PHACTR3: variants seen among roughly 807,000 people sequenced by gnomAD.
PHACTR3 encodes the protein phosphatase and actin regulator 3.
Under a neutral mutation model 66.8 loss-of-function variants are expected in PHACTR3, and 16 were observed. The observed-to-expected ratio is 0.24, with a 90% CI of 0.16 to 0.36. The LOEUF (loss-of-function observed/expected upper bound fraction) is 0.36, where lower values mean the gene tolerates loss of function less well. Ranked by LOEUF, PHACTR3 falls within the 10% of genes least tolerant of loss-of-function variation. PHACTR3 has a pLI of 1.00. For synonymous variants in PHACTR3, 323 were observed against 292.1 expected, an observed-to-expected ratio of 1.11 and a Z score of -1.08; for missense variants, 647 against 719.9, an observed-to-expected ratio of 0.90 and a Z score of 1.16.
intron 7 of PHACTR3, among the ~76,000 whole-genome samples, chr20:59,787,952 C>G (rs1568823023): frequency 6.6e-6 from 1 of 152,176 alleles, no homozygotes; most frequent in South Asian, 2.1e-4. Flanking sequence ...CCCACAGATG[C>G]ATTTTTCCGT....
At chr20:59,698,374 A>G (rs11697108) in intron 1 of PHACTR3, among the ~76,000 whole-genome samples, 5,135 of 152,276 alleles carry the variant, frequency 0.034, 120 homozygotes, top group Middle Eastern at 0.075. Flanking sequence ...TAGGTATCAG[A>G]CTAAAAAGAC....
intron 7 of PHACTR3, among the ~76,000 whole-genome samples, chr20:59,786,813 T>C (rs1221373085): frequency 6.6e-6 from 1 of 150,768 alleles, no homozygotes; most frequent in Non-Finnish European, 1.5e-5. Context: ...AGAAGTCTTT[T>C]TCTGTGCAGT....
intron 1 of PHACTR3, chr20:59,628,567 C>T (rs894205527): frequency 1.8e-5 from 17 of 947,174 alleles, no homozygotes; most frequent in East Asian, 1.2e-4. Context: ...GGGAGAGAGG[C>T]GAGCCCTGTT....
Position 59,841,341 on chromosome 20 carries a change from T to G in PHACTR3, c.1447-54T>G, listed in dbSNP as rs2059057476. 3.9e-6 allele frequency: 6 copies of G among 1,556,856 alleles called. No homozygotes were observed. The Admixed American group carries it at 5.6e-5, about 15-fold the overall frequency. ...AGAAGTGCTGTTTGTTCAGAGTACT[T>G]CAAAAAAGCTAGTTTGGCATGTGAT... On this transcript the variant is annotated intron_variant, in intron 10 of 12. Coordinates refer to ENST00000371015, the MANE Select transcript of PHACTR3 (RefSeq NM_080672.5).
chr20:59,660,716 A>G lies in PHACTR3; in HGVS notation c.118+55584A>G, dbSNP rs779824248. 6.6e-5 allele frequency among the ~76,000 whole-genome samples: 10 copies of G among 152,254 alleles called. 1 individual carries two copies. The highest frequency in any genetic ancestry group is 9.6e-5 in the African/African-American group (4 of 41,470). On this transcript the variant is annotated intron_variant, in intron 1 of 12. Transcript: ENST00000371015. ...ACTTCATCTCCATAATCTGGATTTC[A>G]TACAAAAGTTAGTCATATATAAACA...
At chr20:59,786,932 A>AT (rs11419617) in intron 7 of PHACTR3, among the ~76,000 whole-genome samples, 118,108 of 151,322 alleles carry the variant, frequency 0.78, 48,887 homozygotes, top group Non-Finnish European at 0.92. Context: ...ACTAATCACT[A>AT]TTTTTTTTTC....
At chr20:59,650,865 T>G (rs1205816281) in intron 1 of PHACTR3, among the ~76,000 whole-genome samples, 1 of 151,644 alleles carries the variant, frequency 6.6e-6, no homozygotes, top group Non-Finnish European at 1.5e-5. Flanking sequence ...ACCTCTGCAG[T>G]GTGGCAGGGT....
upstream of PHACTR3, among the ~76,000 whole-genome samples, chr20:59,600,743 C>T (rs906181084): frequency 8.5e-5 from 13 of 152,288 alleles, no homozygotes; most frequent in Admixed American, 7.2e-4. Flanking sequence ...GTTGGGTTAT[C>T]GGGGCTGCCC....
chr20:59,653,471 A>C (rs1289721917), intron 1 of PHACTR3, among the ~76,000 whole-genome samples: 2 of 152,196 alleles, frequency 1.3e-5, no homozygotes, highest in African/African-American at 4.8e-5. Flanking sequence ...GGCGTGAGCC[A>C]CTGCACTCGG....
At chr20:59,836,453 A>C in intron 8 of PHACTR3, 52 bp from the exon 9 acceptor site, 1 of 1,574,202 alleles carries the variant, frequency 6.4e-7, no homozygotes, top group Admixed American at 1.8e-5. Context: ...CCCAGGTGGA[A>C]TTTGCAGGCA....
At chr20:59,592,982 C>T (rs907040874) in intron 1 of PHACTR3, among the ~76,000 whole-genome samples, 1 of 152,166 alleles carries the variant, frequency 6.6e-6, no homozygotes, top group African/African-American at 2.4e-5. Context: ...TTTGTGTAGA[C>T]ATGAGTTTTC....
rs182265066 is a variant in PHACTR3, at chr20:59,620,475, A to T, written c.118+15343A>T. Among the ~76,000 whole-genome samples the T allele has an allele frequency of 2.3e-3, 346 of 152,292 alleles. 3 individuals carry two copies. The highest frequency in any genetic ancestry group is 7.9e-3 in the African/African-American group (328 of 41,566). ...GTCCGCCAATGTGGAACAGTTCCTT[A>T]GTGTCTTCATAGCCTGATGCCTTTG... On this transcript the variant is annotated intron_variant, in intron 1 of 12. Coordinates refer to ENST00000371015, the MANE Select transcript of PHACTR3 (RefSeq NM_080672.5).
At chr20:59,701,009 C>G (rs1208431397) in intron 1 of PHACTR3, among the ~76,000 whole-genome samples, 2 of 152,026 alleles carry the variant, frequency 1.3e-5, no homozygotes, top group African/African-American at 2.4e-5. Flanking sequence ...CCAGGCTGGT[C>G]TCAAACTCCT....
At chr20:59,590,646 G>A (rs2033155156) in intron 1 of PHACTR3, among the ~76,000 whole-genome samples, 1 of 152,144 alleles carries the variant, frequency 6.6e-6, no homozygotes, top group African/African-American at 2.4e-5. Context: ...GAGCTCTACT[G>A]GTTCCTGTCT....
intron 4 of PHACTR3, among the ~76,000 whole-genome samples, chr20:59,765,770 C>T (rs1010105591): frequency 2.6e-5 from 4 of 152,196 alleles, no homozygotes; most frequent in Non-Finnish European, 5.9e-5. Flanking sequence ...CCCAACAGCT[C>T]TTGGGTACCT....
intron 1 of PHACTR3, among the ~76,000 whole-genome samples, chr20:59,679,901 G>A (rs1280142955): frequency 6.6e-6 from 1 of 152,154 alleles, no homozygotes; most frequent in African/African-American, 2.4e-5. Context: ...AACTATAGGA[G>A]CTACAATTCA....
intron 1 of PHACTR3, among the ~76,000 whole-genome samples, chr20:59,684,181 C>T (rs6070911): frequency 0.5 from 75,602 of 152,042 alleles, 19,220 homozygotes; most frequent in East Asian, 0.72. Context: ...AGAATTCTCA[C>T]TGGGGCTCAT....
intron 1 of PHACTR3, among the ~76,000 whole-genome samples, chr20:59,648,366 G>A (rs2035354579): frequency 6.6e-6 from 1 of 152,214 alleles, no homozygotes; most frequent in African/African-American, 2.4e-5. Flanking sequence ...CTGGCCTGGA[G>A]GTGGTCAGCT....
intron 1 of PHACTR3, among the ~76,000 whole-genome samples, chr20:59,670,308 C>T (rs2036146022): frequency 6.6e-6 from 1 of 152,164 alleles, no homozygotes; most frequent in Non-Finnish European, 1.5e-5. Context: ...GCAATGGGTG[C>T]AGAGCCATGG....
Sources: gnomAD v4.1 joint callset for allele counts (sites outside exome capture counted in the v4.1 genomes callset) on GRCh38, gnomAD v4.1.1 for gene constraint, MANE v1.5 for transcripts, NCBI Gene and HGNC (gene_info 2026-07-23, HGNC 2026-07-21) for gene names.